Variants in DRC11 observed in about 807,000 individuals in gnomAD.
The protein encoded by DRC11 is dynein regulatory complex subunit 11, also known as IQ and AAA domain-containing protein 1.
the DRC11 span, among the ~76,000 whole-genome samples, chr2:236,436,881 T>C: frequency 6.6e-6 from 1 of 152,222 alleles, no homozygotes; most frequent in Non-Finnish European, 1.5e-5. Context: ...TTTTGGCTAC[T>C]TTATATCTTT....
the DRC11 span, among the ~76,000 whole-genome samples, chr2:236,354,306 C>CGTGTGTGTGT: frequency 9.4e-5 from 14 of 148,964 alleles, no homozygotes; most frequent in Admixed American, 2.0e-4. Context: ...TACATGTGTG[C>CGTGTGTGTGT]ATGTGTGTGC....
At chr2:236,379,324 AG>A in the DRC11 span, among the ~76,000 whole-genome samples, 67 of 84,416 alleles carry the variant, frequency 7.9e-4, no homozygotes, top group Non-Finnish European at 1.0e-3. Context: ...GACAGGACCA[AG>A]GGGAGGGAAC....
At chr2:236,429,480 G>C in the DRC11 span, among the ~76,000 whole-genome samples, 1 of 152,190 alleles carries the variant, frequency 6.6e-6, no homozygotes, top group Non-Finnish European at 1.5e-5. This position sits in a 1 kb window ranked among gnomAD's most constrained non-coding sequence, Gnocchi z 5.9. Context: ...AACTGGTTAT[G>C]CTCATCTAGT....
chr2:236,442,738 T>C, the DRC11 span, among the ~76,000 whole-genome samples: 1 of 152,196 alleles, frequency 6.6e-6, no homozygotes, highest in East Asian at 1.9e-4. Context: ...GATCTTATAA[T>C]GGAAGGTCTA....
chr2:236,484,273 G>T, the DRC11 span, among the ~76,000 whole-genome samples: 6 of 152,204 alleles, frequency 3.9e-5, no homozygotes, highest in East Asian at 1.2e-3. Flanking sequence ...TTTGATGAAG[G>T]TACAATTTTA....
At chr2:236,308,555 A>G in the DRC11 span, among the ~76,000 whole-genome samples, 17 of 152,340 alleles carry the variant, frequency 1.1e-4, no homozygotes, top group African/African-American at 4.1e-4. The surrounding 1 kb of genome is among the most constrained non-coding windows in gnomAD (Gnocchi z 6.0). Flanking sequence ...TGTGATAGTG[A>G]GCCCTCTGTG....
At chr2:236,416,729 A>T in the DRC11 span, among the ~76,000 whole-genome samples, 24 of 35,228 alleles carry the variant, frequency 6.8e-4, no homozygotes, top group African/African-American at 1.1e-3. Flanking sequence ...ATTTATATAT[A>T]TATATATATA....
At chr2:236,359,250 G>A in the DRC11 span, among the ~76,000 whole-genome samples, 1 of 151,702 alleles carries the variant, frequency 6.6e-6, no homozygotes, top group Non-Finnish European at 1.5e-5. This position sits in a 1 kb window ranked among gnomAD's most constrained non-coding sequence, Gnocchi z 4.3. Flanking sequence ...CAAGTAAATA[G>A]TCATTTACTT....
chr2:236,395,581 C>T, the DRC11 span, among the ~76,000 whole-genome samples: 1 of 152,166 alleles, frequency 6.6e-6, no homozygotes, highest in African/African-American at 2.4e-5. Flanking sequence ...AGTAAATTTT[C>T]TGAAATGTAC....
the DRC11 span, among the ~76,000 whole-genome samples, chr2:236,491,159 G>GTATATATATA: frequency 2.5e-5 from 1 of 40,340 alleles, no homozygotes; most frequent in South Asian, 6.3e-4. Flanking sequence ...TATACACACA[G>GTATATATATA]TATATATATA....
the DRC11 span, chr2:236,486,922 C>T: frequency 6.4e-7 from 1 of 1,555,182 alleles, no homozygotes. This position sits in a 1 kb window ranked among gnomAD's most constrained non-coding sequence, Gnocchi z 5.7. Flanking sequence ...TAAATGGTTA[C>T]TTGTTTAATA....
chr2:236,459,640 TATAC>T, the DRC11 span, among the ~76,000 whole-genome samples: 1 of 143,016 alleles, frequency 7.0e-6, no homozygotes, highest in Admixed American at 6.9e-5. Flanking sequence ...TATATACGTA[TATAC>T]GTATATATGT....
chr2:236,457,993 A>G, the DRC11 span, among the ~76,000 whole-genome samples: 1 of 152,254 alleles, frequency 6.6e-6, no homozygotes, highest in South Asian at 2.1e-4. This position sits in a 1 kb window ranked among gnomAD's most constrained non-coding sequence, Gnocchi z 4.7. Flanking sequence ...TTCCTGGTAT[A>G]GAATTATAGA....
chr2:236,503,857 G>A, the DRC11 span, among the ~76,000 whole-genome samples: 39 of 151,974 alleles, frequency 2.6e-4, no homozygotes, highest in Non-Finnish European at 4.3e-4. The surrounding 1 kb of genome is among the most constrained non-coding windows in gnomAD (Gnocchi z 4.9). Context: ...CCACCTCCTC[G>A]CCCTGCAGCC....
At chr2:236,478,492 C>T in the DRC11 span, among the ~76,000 whole-genome samples, 2 of 152,100 alleles carry the variant, frequency 1.3e-5, no homozygotes, top group Non-Finnish European at 2.9e-5. The surrounding 1 kb of genome is among the most constrained non-coding windows in gnomAD (Gnocchi z 5.9). Flanking sequence ...TGCTGATGAG[C>T]AAAATGTGTA....
the DRC11 span, among the ~76,000 whole-genome samples, chr2:236,424,116 G>C: frequency 6.6e-6 from 1 of 151,694 alleles, no homozygotes; most frequent in African/African-American, 2.4e-5. Flanking sequence ...ACGAGTTAGT[G>C]GGTGCAGCAC....
At chr2:236,378,851 CA>C in the DRC11 span, among the ~76,000 whole-genome samples, 1 of 152,102 alleles carries the variant, frequency 6.6e-6, no homozygotes, top group Non-Finnish European at 1.5e-5. Flanking sequence ...ACCTGAGACT[CA>C]AAACGCTGAC....
the DRC11 span, among the ~76,000 whole-genome samples, chr2:236,334,681 C>T: frequency 3.3e-5 from 5 of 152,106 alleles, no homozygotes; most frequent in African/African-American, 7.2e-5. The surrounding 1 kb of genome is among the most constrained non-coding windows in gnomAD (Gnocchi z 7.8). Context: ...CTCGAGATGA[C>T]GCAGTCTCTG....
chr2:236,394,993 G>GAT, the DRC11 span, among the ~76,000 whole-genome samples: 1 of 152,338 alleles, frequency 6.6e-6, no homozygotes, highest in South Asian at 2.1e-4. This position sits in a 1 kb window ranked among gnomAD's most constrained non-coding sequence, Gnocchi z 7.0. Flanking sequence ...CTTTCAGAAT[G>GAT]GCTAATGTGG....
Sources: allele counts gnomAD v4.1 joint callset (sites outside exome capture counted in the v4.1 genomes callset), GRCh38; gene constraint gnomAD v4.1.1; non-coding constraint Gnocchi (gnomAD v3.1); transcripts MANE v1.5; gene names NCBI Gene and HGNC (gene_info 2026-07-23, HGNC 2026-07-21).